Variants in DPP10 observed in about 807,000 individuals in gnomAD.
DPP10 encodes inactive dipeptidyl peptidase 10.
A neutral mutation model predicts 120.9 loss-of-function variants in DPP10; 33 were observed. That is an observed-to-expected ratio of 0.27 (90% CI 0.21 to 0.37). DPP10 has a LOEUF of 0.37. DPP10 is among the 10% of genes least tolerant of loss of function. The pLI, the probability that DPP10 is intolerant of heterozygous loss-of-function variation, is 1.00. For synonymous variants in DPP10, 337 were observed against 326.1 expected (o/e 1.03, Z -0.36); for missense variants, 816 against 942.8 (o/e 0.87, Z 1.76).
At chr2:115,611,244 A>C (rs1007714197) in intron 5 of DPP10, among the ~76,000 whole-genome samples, 1 of 152,200 alleles carries the variant, frequency 6.6e-6, no homozygotes, top group Non-Finnish European at 1.5e-5. Context: ...TCACTTTTGA[A>C]GAAGAGCGTA....
At chr2:115,566,609 G>A (rs985655194) in intron 5 of DPP10, among the ~76,000 whole-genome samples, 6 of 152,086 alleles carry the variant, frequency 3.9e-5, no homozygotes, top group African/African-American at 1.4e-4. Flanking sequence ...TAGGAACATT[G>A]TCTTATTTTT....
intron 2 of DPP10, among the ~76,000 whole-genome samples, chr2:115,321,000 G>A (rs2062029583): frequency 6.6e-6 from 1 of 151,950 alleles, no homozygotes; most frequent in Admixed American, 6.6e-5. Context: ...AGAATTTTTG[G>A]TTGAAAGCTC....
At chr2:114,477,930 C>CATATGTGTATATATGTACAT (rs1427069720) in intron 1 of DPP10, among the ~76,000 whole-genome samples, 14 of 134,450 alleles carry the variant, frequency 1.0e-4, no homozygotes, top group East Asian at 6.1e-4. Context: ...TATATATGTA[C>CATATGTGTATATATGTACAT]ATATGTGTAT....
intron 19 of DPP10, among the ~76,000 whole-genome samples, chr2:115,807,976 T>TA (rs200575829): frequency 0.013 from 1,960 of 152,268 alleles, 45 homozygotes; most frequent in African/African-American, 0.042. Flanking sequence ...ATGTTTTCTT[T>TA]AAAATCAAAC....
intron 2 of DPP10, among the ~76,000 whole-genome samples, chr2:115,332,939 C>T (rs1014962962): frequency 6.6e-6 from 1 of 152,048 alleles, no homozygotes; most frequent in Non-Finnish European, 1.5e-5. Context: ...TCTATTAGGT[C>T]CACTTGGTGC....
intron 5 of DPP10, among the ~76,000 whole-genome samples, chr2:115,661,692 G>A (rs1049757494): frequency 6.6e-6 from 1 of 152,084 alleles, no homozygotes; most frequent in African/African-American, 2.4e-5. Flanking sequence ...AAATTTATCA[G>A]CTGCCCACAC....
At chr2:114,667,343 T>C (rs1023619130) in intron 1 of DPP10, among the ~76,000 whole-genome samples, 1 of 152,194 alleles carries the variant, frequency 6.6e-6, no homozygotes, top group Non-Finnish European at 1.5e-5. Flanking sequence ...CTCTCTAAGG[T>C]AAGAAAAATA....
intron 7 of DPP10, among the ~76,000 whole-genome samples, chr2:115,703,363 C>T (rs2091968433): frequency 1.3e-5 from 2 of 151,768 alleles, no homozygotes; most frequent in African/African-American, 2.4e-5. Context: ...TTAAAATTCT[C>T]CAGAAAAACA....
At chr2:115,252,373 A>C (rs561484426) in intron 1 of DPP10, among the ~76,000 whole-genome samples, 4 of 152,148 alleles carry the variant, frequency 2.6e-5, no homozygotes, top group Non-Finnish European at 5.9e-5. Context: ...TACTTAAATT[A>C]TTTGAATAAT....
chr2:114,835,129 A>AG (rs1687604136), intron 1 of DPP10: 1 of 149,738 alleles, frequency 6.7e-6, no homozygotes, highest in South Asian at 2.1e-4. Context: ...TGTATATATA[A>AG]GACATATCTA....
At chr2:115,668,810 T>TA (rs2089655878) in intron 5 of DPP10, among the ~76,000 whole-genome samples, 1 of 152,144 alleles carries the variant, frequency 6.6e-6, no homozygotes, top group Admixed American at 6.6e-5. Context: ...CTTTCTAGCC[T>TA]AGTGTTGGCA....
At chr2:114,846,619 G>A (rs1385610025) in intron 1 of DPP10, among the ~76,000 whole-genome samples, 1 of 151,592 alleles carries the variant, frequency 6.6e-6, no homozygotes, top group Admixed American at 6.6e-5. Context: ...TTTGAAGTTG[G>A]CCAAAGTGTT....
chr2:114,772,033 G>A (rs939026286), intron 1 of DPP10, among the ~76,000 whole-genome samples: 1 of 151,824 alleles, frequency 6.6e-6, no homozygotes, highest in Non-Finnish European at 1.5e-5. Context: ...TTTTTCCACA[G>A]TTATTTTATT....
At chr2:115,653,564 T>A (rs2087998072) in intron 5 of DPP10, among the ~76,000 whole-genome samples, 1 of 151,942 alleles carries the variant, frequency 6.6e-6, no homozygotes, top group Admixed American at 6.6e-5. Flanking sequence ...CTGGACACAG[T>A]TTTCCCAATA....
chr2:115,336,991 A>G (rs922074707), intron 2 of DPP10, among the ~76,000 whole-genome samples: 4 of 152,046 alleles, frequency 2.6e-5, no homozygotes, highest in African/African-American at 7.2e-5. Context: ...TGATTCTAAC[A>G]TAAATTAAGT....
At chr2:115,741,723 G>C (rs186749199) in intron 9 of DPP10, among the ~76,000 whole-genome samples, 1 of 152,108 alleles carries the variant, frequency 6.6e-6, no homozygotes, top group Admixed American at 6.6e-5. Context: ...GTTTGTAACT[G>C]ATTTCCCAAA....
intron 3 of DPP10, among the ~76,000 whole-genome samples, chr2:115,464,658 G>A (rs944619720): frequency 1.1e-4 from 17 of 152,072 alleles, no homozygotes; most frequent in African/African-American, 4.1e-4. Flanking sequence ...AAAAACCCAG[G>A]GAATGAACTC....
At chr2:114,915,202 G>A (rs1246627222) in intron 1 of DPP10, among the ~76,000 whole-genome samples, 1 of 152,084 alleles carries the variant, frequency 6.6e-6, no homozygotes, top group Non-Finnish European at 1.5e-5. Flanking sequence ...AAAGAGCAGA[G>A]GTTGCTATTC....
intron 1 of DPP10, among the ~76,000 whole-genome samples, chr2:115,068,604 G>A (rs1386807090): frequency 6.6e-6 from 1 of 151,984 alleles, no homozygotes; most frequent in Non-Finnish European, 1.5e-5. Context: ...TGATTTTGTT[G>A]CCTTTGCTTT....
Sources: gnomAD v4.1 joint callset for allele counts (sites outside exome capture counted in the v4.1 genomes callset) on GRCh38, gnomAD v4.1.1 for gene constraint, MANE v1.5 for transcripts, NCBI Gene and HGNC (gene_info 2026-07-23, HGNC 2026-07-21) for gene names.